PCDH15: variants seen among roughly 807,000 people sequenced by gnomAD.
PCDH15 encodes the protein protocadherin-15.
A neutral mutation model predicts 178.5 loss-of-function variants in PCDH15; 129 were observed. That is an observed-to-expected ratio of 0.72 (90% CI 0.63 to 0.84). The LOEUF is 0.84. Among genes scored for constraint, PCDH15 ranks in the 40% least tolerant of loss-of-function variants. The pLI is 0.00. For synonymous variants in PCDH15, 800 were observed against 732.0 expected, an observed-to-expected ratio of 1.09 and a Z score of -1.50; for missense variants, 2,230 against 2,099.9, an observed-to-expected ratio of 1.06 and a Z score of -1.21.
chr10:54,112,406 G>A (rs1384411382), intron 15 of PCDH15, among the ~76,000 whole-genome samples: 2 of 152,092 alleles, frequency 1.3e-5, no homozygotes, highest in East Asian at 3.9e-4. Context: ...CTCCAGGTGG[G>A]GGGTGGGGGC....
intron 1 of PCDH15, among the ~76,000 whole-genome samples, chr10:54,683,137 A>T (rs1383736328): frequency 6.6e-6 from 1 of 152,108 alleles, no homozygotes; most frequent in Non-Finnish European, 1.5e-5. Context: ...AGATTTTTTA[A>T]ATATTTTTAA....
chr10:54,853,312 T>C lies in PCDH15; in HGVS notation c.-29+44138A>G, dbSNP rs1343548728. Among the ~76,000 whole-genome samples the C allele has an allele frequency of 3.5e-3, 450 of 128,326 alleles. 3 individuals carry two copies. Among genetic ancestry groups the C allele is most frequent in the African/African-American group, 0.013 (423 of 31,936 alleles). The allele number at this position is 128,326 out of a possible 152,430, so 84.2% of individuals were successfully genotyped here. On this transcript the variant is annotated intron_variant, in intron 3 of 5. Coordinates refer to the PCDH15 transcript ENST00000458638. ...GTGTATATATATATATATATATATA[T>C]ATATATACATACACACACATATACA...
chr10:54,753,053 T>C (rs1946560645), intron 1 of PCDH15, among the ~76,000 whole-genome samples: 1 of 152,194 alleles, frequency 6.6e-6, no homozygotes, highest in South Asian at 2.1e-4. Flanking sequence ...TATCACATAC[T>C]AAAGATACAA....
intron 2 of PCDH15, among the ~76,000 whole-genome samples, chr10:55,384,388 A>T (rs1027319588): frequency 2.0e-5 from 3 of 152,190 alleles, no homozygotes; most frequent in African/African-American, 7.2e-5. Flanking sequence ...CTAATTTCAA[A>T]GGAAGGCAAT....
chr10:55,544,157 T>C lies in PCDH15; in HGVS notation c.-156+83468A>G, dbSNP rs1009057662. Among the ~76,000 whole-genome samples, 72 of 141,398 alleles carry C rather than the reference T, an allele frequency of 5.1e-4. 1 individual carries two copies. Among genetic ancestry groups the C allele is most frequent in the African/African-American group, 1.7e-3 (66 of 38,924 alleles). The allele number at this position is 141,398 out of a possible 152,430, so 92.8% of individuals were successfully genotyped here. ...ATACATACATATATATATATATATA[T>C]ATATATATATATATATATTATACTG... is the stretch of plus-strand genomic sequence containing the variant. On this transcript the variant is annotated intron_variant, in intron 2 of 5. Coordinates refer to the PCDH15 transcript ENST00000613346.
chr10:54,217,951 C>A (rs1211737826), intron 9 of PCDH15, among the ~76,000 whole-genome samples: 1 of 151,828 alleles, frequency 6.6e-6, no homozygotes, highest in Admixed American at 6.6e-5. Flanking sequence ...AAAGATAAGA[C>A]AATTTGAGCA....
At chr10:53,867,983 T>C (rs1273448068) in intron 26 of PCDH15, among the ~76,000 whole-genome samples, 1 of 152,050 alleles carries the variant, frequency 6.6e-6, no homozygotes, top group Non-Finnish European at 1.5e-5. Flanking sequence ...GACTAACACA[T>C]TGTTTAGATT....
At chr10:54,338,907 A>G (rs1941715635) in intron 6 of PCDH15, among the ~76,000 whole-genome samples, 1 of 152,234 alleles carries the variant, frequency 6.6e-6, no homozygotes, top group Non-Finnish European at 1.5e-5. Context: ...TTATTGTCTA[A>G]ATAGTCTTAT....
intron 28 of PCDH15, among the ~76,000 whole-genome samples, chr10:53,849,860 C>CCAAA (rs2078235752): frequency 1.9e-5 from 1 of 52,710 alleles, no homozygotes; most frequent in Non-Finnish European, 4.0e-5. Context: ...GGCTCCGTCT[C>CCAAA]AAAAAAAAAA....
chr10:55,043,804 G>A (rs1337269923), intron 2 of PCDH15, among the ~76,000 whole-genome samples: 2 of 151,934 alleles, frequency 1.3e-5, no homozygotes, highest in Non-Finnish European at 2.9e-5. Context: ...TCTTACGTGA[G>A]TGCAGGTAAA....
intron 2 of PCDH15, among the ~76,000 whole-genome samples, chr10:55,597,923 A>T (rs1331384424): frequency 6.6e-6 from 1 of 152,130 alleles, no homozygotes; most frequent in African/African-American, 2.4e-5. Context: ...ATGAATTCTC[A>T]GTAAAATTAC....
At chr10:54,830,364 C>G (rs778173197) in intron 3 of PCDH15, among the ~76,000 whole-genome samples, 222 of 151,972 alleles carry the variant, frequency 1.5e-3, no homozygotes, top group Non-Finnish European at 2.2e-3. Context: ...ACTGGATTAA[C>G]AAAATGTGGC....
chr10:54,327,304 G>C (rs1938341392), intron 7 of PCDH15, among the ~76,000 whole-genome samples: 1 of 151,592 alleles, frequency 6.6e-6, no homozygotes, highest in Admixed American at 6.6e-5. Context: ...CTGTGTTTTT[G>C]AAAAACTCTG....
At chr10:54,258,008 C>G (rs570389043) in intron 8 of PCDH15, among the ~76,000 whole-genome samples, 1 of 151,748 alleles carries the variant, frequency 6.6e-6, no homozygotes, top group Non-Finnish European at 1.5e-5. Flanking sequence ...AAGGGCTTAA[C>G]GATTAAAAAA....
Position 54,189,471 on chromosome 10 carries a change from A to T in PCDH15, c.1306-4203T>A, listed in dbSNP as rs915348766. On this transcript the variant is annotated intron_variant, in intron 11 of 37. Coordinates refer to ENST00000644397, the MANE Select transcript of PCDH15 (RefSeq NM_001384140.1). ...GAAGAAAAAGCAAACCACTTCCAGCACACTAGACTGACAATTTTTTTCAGA... is the reference window on the plus strand; with the variant it reads ...GAAGAAAAAGCAAACCACTTCCAGCTCACTAGACTGACAATTTTTTTCAGA... 8 of 843,996 alleles carry T rather than the reference A, an allele frequency of 9.5e-6. No individual in the cohort carries two copies. In the African/African-American group the frequency reaches 1.4e-4, roughly 15 times the overall value. 52.3% of individuals were successfully genotyped at this position (843,996 alleles called of 1,614,324 possible). A position where few individuals can be genotyped will look rare whatever the true frequency, so the allele number is the denominator to read the frequency against.
chr10:54,515,426 G>A (rs1426018491), intron 3 of PCDH15, among the ~76,000 whole-genome samples: 7 of 152,236 alleles, frequency 4.6e-5, no homozygotes, highest in Admixed American at 2.0e-4. Context: ...CAGGCTGGGG[G>A]AGGGGCGCTG....
chr10:55,072,885 A>G, intron 2 of PCDH15, among the ~76,000 whole-genome samples: 1 of 150,876 alleles, frequency 6.6e-6, no homozygotes, highest in African/African-American at 2.4e-5. Flanking sequence ...CAGCACATCA[A>G]AAAGCTTATC....
chr10:54,713,142 T>G (rs1591217574), intron 1 of PCDH15, among the ~76,000 whole-genome samples: 1 of 152,030 alleles, frequency 6.6e-6, no homozygotes, highest in Non-Finnish European at 1.5e-5. Context: ...TAGACTTTAT[T>G]TCATAGAATT....
intron 2 of PCDH15, among the ~76,000 whole-genome samples, chr10:55,608,182 C>T (rs997914378): frequency 6.6e-6 from 1 of 150,752 alleles, no homozygotes; most frequent in Non-Finnish European, 1.5e-5. Flanking sequence ...ACAGAAGAGA[C>T]ACAGCGAGTG....
Sources: gnomAD v4.1 joint callset for allele counts (sites outside exome capture counted in the v4.1 genomes callset) on GRCh38, gnomAD v4.1.1 for gene constraint, MANE v1.5 for transcripts, NCBI Gene and HGNC (gene_info 2026-07-23, HGNC 2026-07-21) for gene names.